LINGO1: variants seen among roughly 807,000 people sequenced by gnomAD.
LINGO1 encodes leucine rich repeat and Ig domain containing 1.
LINGO1 carries 11 observed loss-of-function variants against 37.3 expected under a neutral mutation model. The ratio of observed to expected loss-of-function variants is 0.29; its 90% CI spans 0.19 to 0.49. LINGO1 has a LOEUF of 0.49. Among genes scored for constraint, LINGO1 ranks in the 20% least tolerant of loss-of-function variants. The pLI, the probability that LINGO1 is intolerant of heterozygous loss-of-function variation, is 0.99. For synonymous variants in LINGO1, 387 were observed against 403.0 expected (o/e 0.96, Z 0.48); for missense variants, 585 against 878.2 (o/e 0.67, Z 4.22).
At chr15:77,780,171 T>C (rs987455713) in intron 1 of LINGO1, among the ~76,000 whole-genome samples, 1 of 152,120 alleles carries the variant, frequency 6.6e-6, no homozygotes, top group South Asian at 2.1e-4. Flanking sequence ...TAGAATGTGT[T>C]CTTGACACAG....
chr15:77,792,182 C>T (rs1250436961), intron 2 of LINGO1, among the ~76,000 whole-genome samples: 2 of 152,224 alleles, frequency 1.3e-5, no homozygotes. Context: ...CCCTGTTCCT[C>T]GGCTCGGGCC....
intron 3 of LINGO1, among the ~76,000 whole-genome samples, chr15:77,669,947 A>C (rs2075218954): frequency 6.6e-6 from 1 of 152,208 alleles, no homozygotes; most frequent in African/African-American, 2.4e-5. Flanking sequence ...AAACCACCCA[A>C]ATGTTCATGA....
chr15:77,799,686 G>A (rs1853848974), intron 1 of LINGO1, among the ~76,000 whole-genome samples: 1 of 152,220 alleles, frequency 6.6e-6, no homozygotes, highest in Admixed American at 6.5e-5. Context: ...AGCCTGGGGT[G>A]AGCAGAGAAC....
chr15:77,785,294 C>A (rs946738906), intron 1 of LINGO1, among the ~76,000 whole-genome samples: 2 of 152,216 alleles, frequency 1.3e-5, no homozygotes, highest in Non-Finnish European at 2.9e-5. Flanking sequence ...CTAGTTCACA[C>A]ATTTTGGCTG....
In LINGO1 at chr15:77,632,277, C is replaced by A; in HGVS notation, c.6+33G>T. ...CAGGGGCACTCGCCGCGGGGCTGCC[C>A]GCTCGGGGCTCGGCCGCGGCCGCCT... On this transcript the variant is annotated intron_variant, in intron 1 of 1. Coordinates refer to ENST00000355300, the MANE Select transcript of LINGO1 (RefSeq NM_032808.7). The surrounding 1 kb of genome is among the most constrained non-coding windows in gnomAD (Gnocchi z 6.0). 1 of 1,399,694 alleles carries A rather than the reference C, an allele frequency of 7.1e-7. No homozygotes were observed. The highest frequency in any genetic ancestry group is 1.5e-5 in the South Asian group (1 of 64,926). 86.7% of individuals were successfully genotyped at this position (1,399,694 alleles called of 1,614,324 possible).
At chr15:77,653,368 G>C (rs1448659845) in intron 3 of LINGO1, among the ~76,000 whole-genome samples, 2 of 152,204 alleles carry the variant, frequency 1.3e-5, no homozygotes, top group Non-Finnish European at 1.5e-5. Context: ...AGGGAGGTTG[G>C]TATCTTCCTG....
At chr15:77,621,157 T>TCCACCTCCCAG (rs2073906610) in intron 1 of LINGO1, among the ~76,000 whole-genome samples, 3 of 151,742 alleles carry the variant, frequency 2.0e-5, no homozygotes, top group Admixed American at 6.6e-5. Flanking sequence ...CAGGTTCAAG[T>TCCACCTCCCAG]GATTTTCTGG....
intron 1 of LINGO1, among the ~76,000 whole-genome samples, chr15:77,742,208 GGA>G (rs2076271619): frequency 6.6e-6 from 1 of 152,240 alleles, no homozygotes; most frequent in Admixed American, 6.5e-5. Context: ...CACGTGTGGA[GGA>G]GAGTGTTCTC....
chr15:77,635,877 T>A (rs371476463), upstream of LINGO1, among the ~76,000 whole-genome samples: 7 of 152,262 alleles, frequency 4.6e-5, no homozygotes, highest in East Asian at 9.6e-4. Flanking sequence ...CAAGTCCCAA[T>A]AAAGCAGGAG....
At chr15:77,727,725 T>C (rs1385036312) in intron 2 of LINGO1, among the ~76,000 whole-genome samples, 1 of 125,692 alleles carries the variant, frequency 8.0e-6, no homozygotes, top group African/African-American at 2.6e-5. Flanking sequence ...ACATTTTATA[T>C]GTTTTTTTTT....
Position 77,690,281 on chromosome 15 carries a change from C to T in LINGO1, c.-99+439G>A, listed in dbSNP as rs146959167. 1.3e-3 allele frequency among the ~76,000 whole-genome samples: 197 copies of T among 152,288 alleles called. 1 individual carries two copies. The highest frequency in any genetic ancestry group is 3.7e-3 in the Admixed American group (56 of 15,306). On this transcript the variant is annotated intron_variant, in intron 2 of 3. Transcript: ENST00000559893. ...AGGATGAGCTGAATCGAGATCAACT[C>T]GAGGACTTTCGTTTGTTCTGTCAGA...
chr15:77,676,162 G>C (rs75017747), intron 3 of LINGO1, among the ~76,000 whole-genome samples: 31 of 152,206 alleles, frequency 2.0e-4, no homozygotes, highest in Non-Finnish European at 4.1e-4. Flanking sequence ...TGGGGGATCA[G>C]GAAATGCCCT....
chr15:77,794,383 TATAC>T lies in LINGO1; in HGVS notation c.-343+1552_-343+1555del, dbSNP rs1381479126. On this transcript the variant is annotated intron_variant, in intron 2 of 5. Coordinates refer to the LINGO1 transcript ENST00000562933. ...ATGTGTATATACATACGTATATGTA[TATAC>T]ATACATATATACGTATATATGTGTA... Among the ~76,000 whole-genome samples the T allele has an allele frequency of 2.7e-5, 2 of 74,976 alleles. 1 individual carries two copies. The highest frequency in any genetic ancestry group is 8.3e-4 in the South Asian group (2 of 2,406). 49.2% of individuals were successfully genotyped at this position (74,976 alleles called of 152,430 possible).
At chr15:77,803,311 G>A (rs1275288979) in intron 1 of LINGO1, among the ~76,000 whole-genome samples, 1 of 152,098 alleles carries the variant, frequency 6.6e-6, no homozygotes, top group Non-Finnish European at 1.5e-5. Context: ...AGCCAGGAGT[G>A]GTGGCACACA....
chr15:77,791,334 C>A (rs142047620), upstream of LINGO1, among the ~76,000 whole-genome samples: 394 of 152,186 alleles, frequency 2.6e-3, 1 homozygote, highest in African/African-American at 8.7e-3. Flanking sequence ...GCCATGAGGC[C>A]TGGGGGAACA....
chr15:77,722,470 C>T (rs762600548), intron 2 of LINGO1, among the ~76,000 whole-genome samples: 37 of 152,350 alleles, frequency 2.4e-4, no homozygotes, highest in Non-Finnish European at 5.0e-4. Flanking sequence ...TTCAAATCCC[C>T]ACTTGGCCAC....
intron 1 of LINGO1, among the ~76,000 whole-genome samples, chr15:77,745,125 TA>T (rs74707319): frequency 4.1e-3 from 373 of 91,050 alleles, no homozygotes; most frequent in Middle Eastern, 9.1e-3. Flanking sequence ...GACTCTGTCT[TA>T]AAAAAAAAAA....
chr15:77,801,459 G>A (rs1567591996), intron 1 of LINGO1, among the ~76,000 whole-genome samples: 1 of 152,204 alleles, frequency 6.6e-6, no homozygotes, highest in East Asian at 1.9e-4. Flanking sequence ...AAAGGCTGGA[G>A]GACAGCACGC....
chr15:77,718,145 C>T (rs965258953), intron 2 of LINGO1, among the ~76,000 whole-genome samples: 1 of 150,846 alleles, frequency 6.6e-6, no homozygotes, highest in Non-Finnish European at 1.5e-5. Context: ...CGCTACCACC[C>T]ACCTAGGGAG....
Sources: allele counts gnomAD v4.1 joint callset (sites outside exome capture counted in the v4.1 genomes callset), GRCh38; gene constraint gnomAD v4.1.1; non-coding constraint Gnocchi (gnomAD v3.1); transcripts MANE v1.5; gene names NCBI Gene and HGNC (gene_info 2026-07-23, HGNC 2026-07-21).